The following THSD7B variants were observed in gnomAD, a reference collection of about 807,000 sequenced individuals.
THSD7B encodes the protein thrombospondin type-1 domain-containing protein 7B.
THSD7B carries 138 observed loss-of-function variants against 213.6 expected under a neutral mutation model. The observed-to-expected ratio is 0.65, with a 90% CI of 0.56 to 0.74. The LOEUF is 0.74. Ranked by LOEUF, THSD7B falls within the 30% of genes least tolerant of loss-of-function variation. THSD7B has a pLI of 0.00. For missense variants in THSD7B, 1,931 were observed against 1,991.5 expected (o/e 0.97, Z 0.58); for synonymous variants, 742 against 687.0 (o/e 1.08, Z -1.25).
intron 25 of THSD7B, among the ~76,000 whole-genome samples, chr2:137,660,221 G>A (rs576495612): frequency 2.4e-4 from 37 of 151,312 alleles, no homozygotes; most frequent in Admixed American, 9.8e-4. Context: ...GGTTATGCAT[G>A]TATTTTTTTT....
At chr2:137,652,250 T>C (rs1683154097) in intron 21 of THSD7B, among the ~76,000 whole-genome samples, 1 of 152,070 alleles carries the variant, frequency 6.6e-6, no homozygotes, top group South Asian at 2.1e-4. Context: ...GTGTTGGGTC[T>C]ATCAACAATT....
intron 6 of THSD7B, among the ~76,000 whole-genome samples, chr2:137,168,275 A>G (rs536179062): frequency 6.6e-6 from 1 of 152,308 alleles, no homozygotes; most frequent in East Asian, 1.9e-4. Context: ...ATGGAATAAT[A>G]TCATCTGATT....
chr2:137,195,765 A>G (rs991628896), intron 7 of THSD7B, among the ~76,000 whole-genome samples: 4 of 152,186 alleles, frequency 2.6e-5, no homozygotes, highest in African/African-American at 9.6e-5. Flanking sequence ...ATTCGTAACC[A>G]TCAGAGTGAT....
intron 15 of THSD7B, among the ~76,000 whole-genome samples, chr2:137,518,238 A>T (rs1237923388): frequency 6.6e-6 from 1 of 152,174 alleles, no homozygotes; most frequent in Non-Finnish European, 1.5e-5. Context: ...AGAGGAAGAG[A>T]AGACCAGGGC....
At chr2:136,767,767 T>C (rs148964317) in intron 1 of THSD7B, among the ~76,000 whole-genome samples, 57 of 152,314 alleles carry the variant, frequency 3.7e-4, no homozygotes, top group Admixed American at 1.9e-3. Context: ...GGCTTGGAGA[T>C]ACGTGGTCCA....
At chr2:137,454,613 T>G (rs1687726631) in intron 15 of THSD7B, among the ~76,000 whole-genome samples, 1 of 152,184 alleles carries the variant, frequency 6.6e-6, no homozygotes, top group Non-Finnish European at 1.5e-5. Flanking sequence ...TCATATTTTC[T>G]TAATTCATTT....
intron 5 of THSD7B, among the ~76,000 whole-genome samples, chr2:137,117,629 G>T (rs1035470968): frequency 6.6e-6 from 1 of 152,070 alleles, no homozygotes; most frequent in African/African-American, 2.4e-5. Context: ...TCTGGAGTGT[G>T]ATTGTGATTG....
At chr2:137,414,801 A>G (rs983006586) in intron 14 of THSD7B, among the ~76,000 whole-genome samples, 1 of 152,090 alleles carries the variant, frequency 6.6e-6, no homozygotes, top group Admixed American at 6.5e-5. Flanking sequence ...CATGCCTGTA[A>G]TCCTAGCACT....
intron 2 of THSD7B, among the ~76,000 whole-genome samples, chr2:136,982,726 C>T (rs1462384987): frequency 1.3e-5 from 2 of 152,092 alleles, no homozygotes; most frequent in Non-Finnish European, 2.9e-5. Context: ...CTCTAAGATA[C>T]TTTTAAGTAC....
At chr2:136,833,622 G>C (rs541329510) in intron 1 of THSD7B, among the ~76,000 whole-genome samples, 1 of 152,122 alleles carries the variant, frequency 6.6e-6, no homozygotes. Context: ...TTTTACTTTT[G>C]TGTATTCAAA....
At chr2:136,834,873 A>G (rs1420507139) in intron 1 of THSD7B, among the ~76,000 whole-genome samples, 1 of 152,216 alleles carries the variant, frequency 6.6e-6, no homozygotes, top group Non-Finnish European at 1.5e-5. Context: ...TCTGTATTTT[A>G]GGTAACAATA....
At chr2:137,214,973 G>C (rs1477963982) in intron 7 of THSD7B, among the ~76,000 whole-genome samples, 4 of 152,084 alleles carry the variant, frequency 2.6e-5, no homozygotes, top group Non-Finnish European at 4.4e-5. Context: ...TGGTCAAATG[G>C]TATTTCTGGT....
At chr2:137,209,114 A>G (rs937476891) in intron 7 of THSD7B, among the ~76,000 whole-genome samples, 1 of 152,088 alleles carries the variant, frequency 6.6e-6, no homozygotes, top group Non-Finnish European at 1.5e-5. Flanking sequence ...GTTTATTCCC[A>G]GGAATGACCA....
At chr2:137,181,231 G>A (rs897644262) in intron 7 of THSD7B, among the ~76,000 whole-genome samples, 1 of 152,174 alleles carries the variant, frequency 6.6e-6, no homozygotes, top group Non-Finnish European at 1.5e-5. Context: ...AAGAAGATAG[G>A]AGACAGCTCT....
intron 7 of THSD7B, among the ~76,000 whole-genome samples, chr2:137,215,669 C>T (rs571700754): frequency 6.6e-6 from 1 of 152,210 alleles, no homozygotes; most frequent in East Asian, 1.9e-4. Context: ...TGTAAGAAGT[C>T]CAGAGACACA....
At chr2:137,184,650 T>C (rs1300610620) in intron 7 of THSD7B, among the ~76,000 whole-genome samples, 1 of 152,234 alleles carries the variant, frequency 6.6e-6, no homozygotes, top group African/African-American at 2.4e-5. Flanking sequence ...TATATTTGTC[T>C]ATATTGTCTA....
At chr2:136,998,243 G>A (rs1685929704) in intron 2 of THSD7B, among the ~76,000 whole-genome samples, 1 of 124,206 alleles carries the variant, frequency 8.1e-6, no homozygotes, top group Non-Finnish European at 1.6e-5. Context: ...TCCTATACAT[G>A]GAAAGAGACT....
chr2:137,025,401 G>GCT (rs1304915754), intron 2 of THSD7B, among the ~76,000 whole-genome samples: 3 of 152,138 alleles, frequency 2.0e-5, no homozygotes, highest in African/African-American at 7.2e-5. Flanking sequence ...ATAGGACATG[G>GCT]CTCTGTCCAT....
chr2:137,230,647 A>T (rs1458758765), intron 7 of THSD7B, among the ~76,000 whole-genome samples: 1 of 152,214 alleles, frequency 6.6e-6, no homozygotes, highest in African/African-American at 2.4e-5. Context: ...CTAGAATTAT[A>T]AAATTCCTTT....
Sources: allele counts gnomAD v4.1 joint callset (sites outside exome capture counted in the v4.1 genomes callset), GRCh38; gene constraint gnomAD v4.1.1; transcripts MANE v1.5; gene names NCBI Gene and HGNC (gene_info 2026-07-23, HGNC 2026-07-21).